Variants in RYR3 observed in about 807,000 individuals in gnomAD.
RYR3 encodes the protein ryanodine receptor 3.
Under a neutral mutation model 584.3 loss-of-function variants are expected in RYR3, and 207 were observed. That is an observed-to-expected ratio of 0.35 (90% confidence interval 0.32 to 0.40). The LOEUF (loss-of-function observed/expected upper bound fraction) is 0.40. Among genes scored for constraint, RYR3 ranks in the 10% least tolerant of loss-of-function variants. The probability of loss-of-function intolerance (pLI) is 1.00; values close to 1 mark genes in which losing one functional copy is unlikely to be tolerated. For synonymous variants in RYR3, 2,416 were observed against 2,248.5 expected (o/e 1.07, Z -2.11); for missense variants, 5,616 against 6,089.2 (o/e 0.92, Z 2.59).
intron 12 of RYR3, among the ~76,000 whole-genome samples, chr15:33,569,649 A>G (rs1207929851): frequency 2.6e-5 from 4 of 152,106 alleles, no homozygotes; most frequent in Non-Finnish European, 5.9e-5. Context: ...GGTATGTTTC[A>G]CTTTTTAAGA....
intron 2 of RYR3, among the ~76,000 whole-genome samples, chr15:33,477,877 G>GAAAAAAA (rs58200056): frequency 6.4e-5 from 4 of 62,614 alleles, no homozygotes; most frequent in Admixed American, 2.0e-4. Context: ...TCTGTCTCAA[G>GAAAAAAA]AAAAAAAAAA....
chr15:33,653,736 A>G (rs1295103167), intron 32 of RYR3, among the ~76,000 whole-genome samples: 1 of 152,110 alleles, frequency 6.6e-6, no homozygotes, highest in African/African-American at 2.4e-5. Flanking sequence ...GAACTTCCAT[A>G]GAGCTACTCA....
intron 60 of RYR3, among the ~76,000 whole-genome samples, chr15:33,762,360 T>C (rs75969008): frequency 8.1e-4 from 123 of 152,294 alleles, no homozygotes; most frequent in African/African-American, 2.9e-3. Flanking sequence ...AGAAATGCCA[T>C]CGACTCAGCC....
At chr15:33,734,150 C>T (rs1041361709) in intron 48 of RYR3, among the ~76,000 whole-genome samples, 2 of 152,040 alleles carry the variant, frequency 1.3e-5, no homozygotes, top group Non-Finnish European at 2.9e-5. Context: ...ACCCAGGCCC[C>T]AAAAAGGGTT....
chr15:33,439,941 G>A (rs2046077884), intron 1 of RYR3, among the ~76,000 whole-genome samples: 3 of 152,166 alleles, frequency 2.0e-5, no homozygotes, highest in Non-Finnish European at 4.4e-5. Context: ...GATAGCGACA[G>A]GTAGATAAAA....
chr15:33,561,970 G>C (rs945163902), intron 10 of RYR3, among the ~76,000 whole-genome samples: 5 of 151,884 alleles, frequency 3.3e-5, no homozygotes, highest in African/African-American at 1.2e-4. Flanking sequence ...TTCTGTGAAA[G>C]TTCAAATTGC....
At chr15:33,700,019 T>C (rs3817408) in intron 41 of RYR3, among the ~76,000 whole-genome samples, 186 bp downstream of exon 41, 52,611 of 152,138 alleles carry the variant, frequency 0.35, 9,582 homozygotes, top group Admixed American at 0.46. Flanking sequence ...CCAACAGAAG[T>C]AGAGATGTTG....
Position 33,766,343 on chromosome 15 carries a change from G to C in RYR3, c.8706-2315G>C, listed in dbSNP as rs547834240. Among the ~76,000 whole-genome samples, 22 of 151,442 alleles carry C rather than the reference G, an allele frequency of 1.5e-4. No individual in the cohort carries two copies. In the Middle Eastern group the frequency reaches 0.01, roughly 72 times the overall value. On this transcript the variant is annotated intron_variant, in intron 60 of 103. Transcript: ENST00000634891. ...AGTCCTCTGTATCCACGTGAAGTAT[G>C]ATTTATCCTGCACCCTAATTACTTA...
chr15:33,698,373 T>C (rs775971244), intron 40 of RYR3, among the ~76,000 whole-genome samples: 24 of 152,214 alleles, frequency 1.6e-4, no homozygotes, highest in Non-Finnish European at 2.8e-4. Flanking sequence ...TCAATAGTGA[T>C]CCTGGCAGTG....
intron 49 of RYR3, among the ~76,000 whole-genome samples, chr15:33,737,841 G>A (rs2069646418): frequency 6.6e-6 from 1 of 152,132 alleles, no homozygotes; most frequent in African/African-American, 2.4e-5. Flanking sequence ...TGGAGGACAT[G>A]GATCACACCT....
chr15:33,366,715 C>T (rs1975550381), intron 1 of RYR3, among the ~76,000 whole-genome samples: 1 of 152,120 alleles, frequency 6.6e-6, no homozygotes, highest in African/African-American at 2.4e-5. Context: ...CTAGGAGGAA[C>T]CACTGGGCCC....
At chr15:33,355,077 A>G (rs1200246008) in intron 1 of RYR3, among the ~76,000 whole-genome samples, 5 of 151,708 alleles carry the variant, frequency 3.3e-5, no homozygotes, top group African/African-American at 1.2e-4. Flanking sequence ...CCTGCTACTC[A>G]GGAGGCTAAG....
At chr15:33,359,822 T>G (rs1300319304) in intron 1 of RYR3, among the ~76,000 whole-genome samples, 1 of 151,738 alleles carries the variant, frequency 6.6e-6, no homozygotes, top group African/African-American at 2.4e-5. Context: ...GGGGTTTCAC[T>G]GTGTTAGCCA....
At chr15:33,575,926 A>T (rs2058279191) in intron 12 of RYR3, among the ~76,000 whole-genome samples, 1 of 152,170 alleles carries the variant, frequency 6.6e-6, no homozygotes, top group Non-Finnish European at 1.5e-5. Context: ...GATAAAGGGG[A>T]TATTAGCATT....
At chr15:33,806,328 G>T (rs115389880) in intron 69 of RYR3, among the ~76,000 whole-genome samples, 5,113 of 152,220 alleles carry the variant, frequency 0.034, 283 homozygotes, top group African/African-American at 0.11. Flanking sequence ...GAGATGCAAT[G>T]ATTTTGAAGG....
chr15:33,724,510 G>A (rs1227861109), intron 45 of RYR3, among the ~76,000 whole-genome samples: 1 of 152,126 alleles, frequency 6.6e-6, no homozygotes, highest in Non-Finnish European at 1.5e-5. Context: ...TGGCCATCAG[G>A]ATGCTCCATG....
chr15:33,596,495 T>TGCGG (rs71454518), intron 16 of RYR3, among the ~76,000 whole-genome samples: 14 of 133,902 alleles, frequency 1.0e-4, no homozygotes, highest in Non-Finnish European at 1.5e-4. Context: ...GTTCTTTTTT[T>TGCGG]GGGGGGGGGG....
intron 1 of RYR3, among the ~76,000 whole-genome samples, chr15:33,407,079 CTG>C (rs1183265271): frequency 6.6e-6 from 1 of 152,202 alleles, no homozygotes; most frequent in Non-Finnish European, 1.5e-5. Context: ...GGGAGGAACA[CTG>C]TGTCTACACG....
At position 33,818,451 on chromosome 15, in the gene RYR3, GGTTTT is replaced by G. The variant is rs367771523; in HGVS notation, c.10600-119_10600-115del. 9.2e-6 allele frequency: 6 copies of G among 654,890 alleles called. No individual in the cohort carries two copies. In the African/African-American group the frequency reaches 1.1e-4, roughly 12 times the overall value. The allele number at this position is 654,890 out of a possible 1,614,324, so 40.6% of individuals were successfully genotyped here. On this transcript the variant is annotated intron_variant, in intron 75 of 103. Transcript: ENST00000634891. Reference sequence around the variant, plus strand: ...TCCTGAAATAAATACATGACGTAGTGGTTTTGTTTTGTGCTTTAGTCTGATGCACT... The same window carrying G: ...TCCTGAAATAAATACATGACGTAGTGGTTTTGTGCTTTAGTCTGATGCACT...
Sources: allele counts gnomAD v4.1 joint callset (sites outside exome capture counted in the v4.1 genomes callset), GRCh38; gene constraint gnomAD v4.1.1; transcripts MANE v1.5; gene names NCBI Gene and HGNC (gene_info 2026-07-23, HGNC 2026-07-21).